Variants in ZDHHC2 observed in about 807,000 individuals in gnomAD.
The protein encoded by ZDHHC2 is palmitoyltransferase ZDHHC2.
ZDHHC2 carries 51 observed loss-of-function variants against 55.6 expected under a neutral mutation model. The ratio of observed to expected loss-of-function variants is 0.92; its 90% confidence interval spans 0.73 to 1.16. ZDHHC2 has a LOEUF of 1.16. ZDHHC2 is among the 50% of genes most tolerant of loss of function. The pLI, the probability that ZDHHC2 is intolerant of heterozygous loss-of-function variation, is 0.00. For synonymous variants in ZDHHC2, 199 were observed against 152.9 expected, an observed-to-expected ratio of 1.30 and a Z score of -2.22; for missense variants, 491 against 442.4, an observed-to-expected ratio of 1.11 and a Z score of -0.99.
chr8:17,165,436 C>T (rs991664059), intron 1 of ZDHHC2, among the ~76,000 whole-genome samples: 1 of 152,102 alleles, frequency 6.6e-6, no homozygotes, highest in Non-Finnish European at 1.5e-5. Context: ...CAACTTACTC[C>T]AGGACTAATA....
chr8:17,221,245 T>C lies in ZDHHC2; in HGVS notation c.*1024T>C, dbSNP rs1480335856. On this transcript the variant is annotated 3_prime_UTR_variant, in exon 13 of 13. Coordinates refer to ENST00000262096, the MANE Select transcript of ZDHHC2 (RefSeq NM_016353.5). ...TATGCAAATCATTAAATAAAAATCA[T>C]ACAACTTTTGGAAAGTTAGTTCAAC... 6.6e-6 allele frequency: 1 copy of C among 152,556 alleles called. No individual in the cohort carries two copies. Among genetic ancestry groups the C allele is most frequent in the African/African-American group, 2.4e-5 (1 of 41,444 alleles). The allele number at this position is 152,556 out of a possible 1,614,324, so 9.5% of individuals were successfully genotyped here.
intron 2 of ZDHHC2, among the ~76,000 whole-genome samples, chr8:17,185,850 T>G (rs1026965512): frequency 2.0e-5 from 3 of 152,202 alleles, no homozygotes; most frequent in Non-Finnish European, 4.4e-5. Flanking sequence ...TGTTCTCCAT[T>G]TAAATGTGTT....
intron 2 of ZDHHC2, among the ~76,000 whole-genome samples, chr8:17,185,571 G>C (rs1050103715): frequency 2.6e-5 from 4 of 152,130 alleles, no homozygotes; most frequent in African/African-American, 9.7e-5. Context: ...TCAGGAGGCT[G>C]AGGTAGGAGG....
chr8:17,192,878 C>A (rs1006882049), intron 3 of ZDHHC2, among the ~76,000 whole-genome samples: 2 of 152,162 alleles, frequency 1.3e-5, no homozygotes, highest in Admixed American at 1.3e-4. Flanking sequence ...AAGAGACTGC[C>A]CTTTCCCCAG....
In ZDHHC2 at chr8:17,222,168, A is replaced by G. The variant is rs1290971622; in HGVS notation, c.*1947A>G. The G allele has an allele frequency of 6.6e-6, 1 of 151,694 alleles. No individual in the cohort carries two copies. Among genetic ancestry groups the G allele is most frequent in the African/African-American group, 2.4e-5 (1 of 41,370 alleles). 9.4% of individuals were successfully genotyped at this position (151,694 alleles called of 1,614,324 possible). On this transcript the variant is annotated 3_prime_UTR_variant, in exon 13 of 13. Coordinates refer to ENST00000262096, the MANE Select transcript of ZDHHC2 (RefSeq NM_016353.5). Reference sequence around the variant, plus strand: ...TTTATATAATTAAATATATGTCAATACACATTAGAATCAGATTTGAAAAAG... The same window carrying G: ...TTTATATAATTAAATATATGTCAATGCACATTAGAATCAGATTTGAAAAAG...
chr8:17,182,415 C>T (rs1048512158), intron 1 of ZDHHC2, among the ~76,000 whole-genome samples: 1 of 152,012 alleles, frequency 6.6e-6, no homozygotes, highest in Non-Finnish European at 1.5e-5. Context: ...TTTATTTAGG[C>T]CTATGATGTC....
At chr8:17,168,300 A>G (rs569962368) in intron 1 of ZDHHC2, among the ~76,000 whole-genome samples, 6 of 152,310 alleles carry the variant, frequency 3.9e-5, no homozygotes, top group African/African-American at 1.4e-4. Flanking sequence ...ACACAGCTCA[A>G]CAAAGCTTTG....
chr8:17,191,837 C>A (rs1465442589), intron 3 of ZDHHC2, among the ~76,000 whole-genome samples: 1 of 152,186 alleles, frequency 6.6e-6, no homozygotes, highest in Non-Finnish European at 1.5e-5. Context: ...TATATACTCA[C>A]AGTAGAATTG....
At chr8:17,201,483 T>C (rs199984235) in intron 6 of ZDHHC2, among the ~76,000 whole-genome samples, 4 of 69,176 alleles carry the variant, frequency 5.8e-5, no homozygotes, top group East Asian at 6.9e-4. Context: ...CTCTCTCTCT[T>C]TTTTTTTTTT....
At chr8:17,178,330 A>G (rs528784350) in intron 1 of ZDHHC2, among the ~76,000 whole-genome samples, 2 of 152,202 alleles carry the variant, frequency 1.3e-5, no homozygotes, top group African/African-American at 2.4e-5. Context: ...GGTTGAATTT[A>G]AATCATTCTA....
intron 1 of ZDHHC2, among the ~76,000 whole-genome samples, chr8:17,166,937 G>C (rs1804630736): frequency 6.6e-6 from 1 of 152,116 alleles, no homozygotes; most frequent in African/African-American, 2.4e-5. Context: ...GAGTTGCTGG[G>C]ATATCTGAAT....
rs1808001028 is a variant in ZDHHC2, at chr8:17,223,473, A to G, written c.*3252A>G. On this transcript the variant is annotated 3_prime_UTR_variant, in exon 13 of 13. Transcript: ENST00000262096. ...AGAAACGTGTTCTTCTAAAGCAGAA[A>G]ACCACGTGGCTTAATCCCAAATGTT... is the stretch of plus-strand genomic sequence containing the variant. 1 of 151,876 alleles carries G rather than the reference A, an allele frequency of 6.6e-6. No individual in the cohort carries two copies. The highest frequency in any genetic ancestry group is 3.2e-3 in the Middle Eastern group (1 of 316). 9.4% of individuals were successfully genotyped at this position (151,876 alleles called of 1,614,324 possible).
chr8:17,157,017 T>C (rs1804092672), intron 1 of ZDHHC2, among the ~76,000 whole-genome samples, 164 bp downstream of exon 1: 1 of 151,974 alleles, frequency 6.6e-6, no homozygotes, highest in Non-Finnish European at 1.5e-5. Context: ...TCGGGGCAGC[T>C]TCTTCCACGC....
chr8:17,170,980 A>C (rs1042705801), intron 1 of ZDHHC2, among the ~76,000 whole-genome samples: 12 of 152,336 alleles, frequency 7.9e-5, no homozygotes, highest in African/African-American at 2.9e-4. Flanking sequence ...TCAGGACATA[A>C]ATCCCTAGTT....
chr8:17,199,573 T>TTC lies in ZDHHC2; in HGVS notation c.476+1160_476+1161insTC, dbSNP rs1563161456. Among the ~76,000 whole-genome samples, 183 of 106,530 alleles carry TTC rather than the reference T, an allele frequency of 1.7e-3. 12 individuals are homozygous for TTC. The highest frequency in any genetic ancestry group is 0.016 in the Admixed American group (153 of 9,706). 69.9% of individuals were successfully genotyped at this position (106,530 alleles called of 152,430 possible). ...TCTTCGTCTTCGTCTTCTTCGTCTTTGTCTTCTTCTTCTTCTTTCTTCTTC... is the reference window on the plus strand; with the variant it reads ...TCTTCGTCTTCGTCTTCTTCGTCTTTTCGTCTTCTTCTTCTTCTTTCTTCTTC... On this transcript the variant is annotated intron_variant, in intron 6 of 12. Coordinates refer to ENST00000262096, the MANE Select transcript of ZDHHC2 (RefSeq NM_016353.5).
Position 17,223,941 on chromosome 8 carries a change from TTC to T in ZDHHC2, c.*3721_*3722del, listed in dbSNP as rs1201929768. The stretch of plus-strand genomic sequence containing the variant: ...AAAGGATGAAATCAAGTAGGCTTGT[TTC>T]AAAGAGACTCCTGTGAATCAACTAT... On this transcript the variant is annotated 3_prime_UTR_variant, in exon 13 of 13. Coordinates refer to ENST00000262096, the MANE Select transcript of ZDHHC2 (RefSeq NM_016353.5). 4 of 151,758 alleles carry T rather than the reference TTC, an allele frequency of 2.6e-5. No homozygotes were observed. The highest frequency in any genetic ancestry group is 3.0e-5 in the Non-Finnish European group (2 of 67,740). 9.4% of individuals were successfully genotyped at this position (151,758 alleles called of 1,614,324 possible). A position where few individuals can be genotyped will look rare whatever the true frequency, so the allele number is the denominator to read the frequency against.
intron 3 of ZDHHC2, among the ~76,000 whole-genome samples, chr8:17,193,451 G>A (rs1397609312): frequency 6.6e-6 from 1 of 152,222 alleles, no homozygotes; most frequent in Non-Finnish European, 1.5e-5. Flanking sequence ...GCACCTCTGT[G>A]GCCAACACCA....
Position 17,224,563 on chromosome 8 carries a change from TTC to T in ZDHHC2, c.*4344_*4345del, listed in dbSNP as rs1213247436. 8 of 151,706 alleles carry T rather than the reference TTC, an allele frequency of 5.3e-5. No homozygotes were observed. Among genetic ancestry groups the T allele is most frequent in the African/African-American group, 7.2e-5 (3 of 41,386 alleles). The allele number at this position is 151,706 out of a possible 1,614,324, so 9.4% of individuals were successfully genotyped here. On this transcript the variant is annotated 3_prime_UTR_variant, in exon 13 of 13. Transcript: ENST00000262096. The stretch of plus-strand genomic sequence containing the variant: ...AAATTATTAATGCTTAATATATTGC[TTC>T]TGTTTGATTGATAAAGGTGCTTAAT...
chr8:17,157,770 T>G (rs1005634550), intron 1 of ZDHHC2, among the ~76,000 whole-genome samples: 3 of 152,212 alleles, frequency 2.0e-5, no homozygotes, highest in Non-Finnish European at 4.4e-5. Context: ...GTGAATGCTT[T>G]CTGTGTTTGG....
Sources: gnomAD v4.1 joint callset for allele counts (sites outside exome capture counted in the v4.1 genomes callset) on GRCh38, gnomAD v4.1.1 for gene constraint, MANE v1.5 for transcripts, NCBI Gene and HGNC (gene_info 2026-07-23, HGNC 2026-07-21) for gene names.